CADM2: variants seen among roughly 807,000 people sequenced by gnomAD.
CADM2 encodes the protein immunoglobulin superfamily member 4D.
In CADM2, 12 loss-of-function variants were observed where a neutral mutation model predicts 49.8. The observed-to-expected ratio is 0.24, with a 90% CI of 0.15 to 0.39. The LOEUF (loss-of-function observed/expected upper bound fraction) is 0.39, where lower values mean the gene tolerates loss of function less well. Among genes scored for constraint, CADM2 ranks in the 10% least tolerant of loss-of-function variants. CADM2 has a pLI of 1.00. For synonymous variants in CADM2, 214 were observed against 175.4 expected (o/e 1.22, Z -1.74); for missense variants, 378 against 492.3 (o/e 0.77, Z 2.20).
intron 1 of CADM2, among the ~76,000 whole-genome samples, chr3:85,509,730 C>T (rs192143079): frequency 3.2e-4 from 48 of 152,054 alleles, no homozygotes; most frequent in African/African-American, 1.1e-3. Context: ...GAATTAAAAC[C>T]GCTATATAAA....
At chr3:85,854,055 C>A (rs2075210357) in intron 3 of CADM2, among the ~76,000 whole-genome samples, 1 of 152,104 alleles carries the variant, frequency 6.6e-6, no homozygotes, top group Non-Finnish European at 1.5e-5. Flanking sequence ...CCAGAACTCC[C>A]TCTTTTCCAG....
intron 1 of CADM2, among the ~76,000 whole-genome samples, chr3:85,440,682 G>T (rs1161985378): frequency 2.0e-5 from 3 of 152,000 alleles, no homozygotes; most frequent in Non-Finnish European, 4.4e-5. Flanking sequence ...CAATGACATT[G>T]TATAACATTG....
chr3:85,216,631 T>C (rs1426155823), intron 1 of CADM2, among the ~76,000 whole-genome samples: 1 of 152,014 alleles, frequency 6.6e-6, no homozygotes, highest in Non-Finnish European at 1.5e-5. Context: ...TGGTAAAATA[T>C]AGTTGCTCTG....
chr3:85,129,474 T>A (rs530417761), intron 1 of CADM2, among the ~76,000 whole-genome samples: 2 of 152,338 alleles, frequency 1.3e-5, no homozygotes, highest in South Asian at 2.1e-4. Flanking sequence ...ACTAAATTTA[T>A]AAAAATATTC....
chr3:85,872,655 A>T (rs2075974090), intron 3 of CADM2, among the ~76,000 whole-genome samples: 1 of 150,218 alleles, frequency 6.7e-6, no homozygotes, highest in Non-Finnish European at 1.5e-5. Context: ...ATTTATTCAT[A>T]CATACAATGT....
chr3:85,225,748 A>G (rs2042144755), intron 1 of CADM2, among the ~76,000 whole-genome samples: 1 of 152,188 alleles, frequency 6.6e-6, no homozygotes, highest in Admixed American at 6.5e-5. Flanking sequence ...TGTCATAAAT[A>G]GCTCTTATTA....
At chr3:85,333,028 A>T (rs1389858078) in intron 1 of CADM2, among the ~76,000 whole-genome samples, 1 of 151,776 alleles carries the variant, frequency 6.6e-6, no homozygotes, top group African/African-American at 2.4e-5. Flanking sequence ...TTTAACTTTG[A>T]TGTTATTTTG....
intron 1 of CADM2, among the ~76,000 whole-genome samples, chr3:85,505,003 A>T (rs1296494784): frequency 1.3e-5 from 2 of 151,978 alleles, no homozygotes; most frequent in Non-Finnish European, 2.9e-5. Context: ...CCCACCCGGA[A>T]CTCCAGCTGG....
chr3:84,969,199 A>G (rs192143190), intron 1 of CADM2, among the ~76,000 whole-genome samples: 29 of 152,106 alleles, frequency 1.9e-4, no homozygotes, highest in African/African-American at 7.0e-4. Context: ...TTAATTTGTA[A>G]CTGCAACTTG....
chr3:85,460,640 T>C (rs1458330352), intron 1 of CADM2, among the ~76,000 whole-genome samples: 1 of 152,152 alleles, frequency 6.6e-6, no homozygotes, highest in Non-Finnish European at 1.5e-5. Flanking sequence ...AAAAAGTATC[T>C]TGTTAATAGT....
intron 1 of CADM2, among the ~76,000 whole-genome samples, chr3:85,664,718 A>T (rs995169044): frequency 6.6e-6 from 1 of 151,908 alleles, no homozygotes; most frequent in African/African-American, 2.4e-5. Context: ...TTTCTCTGTT[A>T]TCTTTCCATT....
chr3:85,643,190 G>A (rs968255347), intron 1 of CADM2, among the ~76,000 whole-genome samples: 9 of 152,146 alleles, frequency 5.9e-5, no homozygotes, highest in African/African-American at 2.2e-4. Context: ...CTTGTTTAAT[G>A]TAGCACGTAT....
chr3:85,768,470 T>A (rs374972716), intron 2 of CADM2, among the ~76,000 whole-genome samples: 158 of 143,792 alleles, frequency 1.1e-3, no homozygotes, highest in African/African-American at 2.9e-3. Flanking sequence ...AATAAATAAA[T>A]AATAAATAAA....
chr3:85,007,513 T>C (rs543467605), intron 1 of CADM2, among the ~76,000 whole-genome samples: 1 of 152,200 alleles, frequency 6.6e-6, no homozygotes, highest in South Asian at 2.1e-4. Context: ...TACAAAGAAA[T>C]TATTAAATTT....
At chr3:85,731,928 T>G (rs1174780551) in intron 2 of CADM2, among the ~76,000 whole-genome samples, 3 of 151,842 alleles carry the variant, frequency 2.0e-5, no homozygotes, top group Admixed American at 1.3e-4. Flanking sequence ...ACTTAACTAC[T>G]TTTTTAAAGC....
chr3:86,012,678 G>T, intron 8 of CADM2: 1 of 1,321,330 alleles, frequency 7.6e-7, no homozygotes, highest in South Asian at 1.2e-5. Flanking sequence ...AATTGTAGGA[G>T]AGCTGACTTA....
chr3:85,904,910 C>T (rs1716588801), intron 5 of CADM2, among the ~76,000 whole-genome samples: 2 of 151,980 alleles, frequency 1.3e-5, no homozygotes, highest in African/African-American at 2.4e-5. Context: ...TTATTTTTTG[C>T]CTCTATAGGA....
At chr3:85,210,724 T>C (rs2041758640) in intron 1 of CADM2, among the ~76,000 whole-genome samples, 1 of 152,012 alleles carries the variant, frequency 6.6e-6, no homozygotes, top group Admixed American at 6.6e-5. Context: ...TACTTTTTTG[T>C]AGAGATGAGT....
intron 8 of CADM2, among the ~76,000 whole-genome samples, chr3:86,037,377 T>C (rs1735295802): frequency 6.6e-6 from 1 of 152,112 alleles, no homozygotes; most frequent in Non-Finnish European, 1.5e-5. Context: ...ATGGAAAAAA[T>C]AATAACAGTT....
Sources: allele counts gnomAD v4.1 joint callset (sites outside exome capture counted in the v4.1 genomes callset), GRCh38; gene constraint gnomAD v4.1.1; transcripts MANE v1.5; gene names NCBI Gene and HGNC (gene_info 2026-07-23, HGNC 2026-07-21).